TRPM1: variants seen among roughly 807,000 people sequenced by gnomAD.
TRPM1 encodes transient receptor potential cation channel subfamily M member 1.
TRPM1 carries 113 observed loss-of-function variants against 149.4 expected under a neutral mutation model. The observed-to-expected ratio is 0.76, with a 90% CI of 0.65 to 0.88. The LOEUF is 0.88. Ranked by LOEUF, TRPM1 falls within the 40% of genes least tolerant of loss-of-function variation. TRPM1 has a pLI of 0.00. For missense variants in TRPM1, 1,976 were observed against 2,038.7 expected, an observed-to-expected ratio of 0.97 and a Z score of 0.59; for synonymous variants, 741 against 759.5, an observed-to-expected ratio of 0.98 and a Z score of 0.40.
At chr15:31,147,860 C>A (rs1168921487) in intron 1 of TRPM1, among the ~76,000 whole-genome samples, 2 of 152,266 alleles carry the variant, frequency 1.3e-5, no homozygotes, top group Admixed American at 6.5e-5. Context: ...GGGTCCAGGT[C>A]CCCAGGGAGG....
chr15:31,096,624 A>G (rs28613966), intron 1 of TRPM1, among the ~76,000 whole-genome samples: 38,948 of 152,168 alleles, frequency 0.26, 5,175 homozygotes, highest in South Asian at 0.32. Context: ...TGGGTTTCAG[A>G]GGCTAGGCAG....
At chr15:31,127,738 G>A (rs1437974598) in intron 1 of TRPM1, among the ~76,000 whole-genome samples, 1 of 152,180 alleles carries the variant, frequency 6.6e-6, no homozygotes, top group Non-Finnish European at 1.5e-5. Context: ...GGAAGGGGTG[G>A]AGGGTGAGCA....
intron 2 of TRPM1, among the ~76,000 whole-genome samples, chr15:31,080,312 A>T (rs906113581): frequency 6.6e-6 from 1 of 152,206 alleles, no homozygotes; most frequent in Non-Finnish European, 1.5e-5. Context: ...AGAAATTAGT[A>T]ACTTGACAGT....
chr15:31,057,994 G>A (rs143944675), intron 11 of TRPM1, among the ~76,000 whole-genome samples: 2,051 of 152,236 alleles, frequency 0.013, 24 homozygotes, highest in African/African-American at 0.028. Flanking sequence ...GGTCTCCCCA[G>A]CCATTTGGAG....
chr15:31,005,783 T>A (rs1352130968), intron 27 of TRPM1, among the ~76,000 whole-genome samples: 7 of 152,194 alleles, frequency 4.6e-5, no homozygotes, highest in Admixed American at 2.6e-4. Flanking sequence ...TAAATGAGGA[T>A]CTATCTCCTT....
chr15:31,051,943 G>A (rs114278505), intron 11 of TRPM1, among the ~76,000 whole-genome samples: 1 of 152,186 alleles, frequency 6.6e-6, no homozygotes. Flanking sequence ...GGGGAGCATT[G>A]TGACATCTCA....
rs1212303134 is a variant in TRPM1 at position 31,029,994 on chromosome 15, T to C, written c.3128-603A>G. Among the ~76,000 whole-genome samples, 3 of 152,188 alleles carry C rather than the reference T, an allele frequency of 2.0e-5. No individual in the cohort carries two copies. In the East Asian group the frequency reaches 5.8e-4, roughly 29 times the overall value. On this transcript the variant is annotated intron_variant, in intron 23 of 27. Coordinates refer to ENST00000256552, the MANE Select transcript of TRPM1 (RefSeq NM_001252024.2). ...TACCTAAACTAATATTCTTTTGAAA[T>C]CAAATTAGATTTTTATGTTCTGGCT...
chr15:31,014,148 T>C (rs1226204192), intron 27 of TRPM1, among the ~76,000 whole-genome samples: 6 of 152,320 alleles, frequency 3.9e-5, no homozygotes, highest in Non-Finnish European at 8.8e-5. Flanking sequence ...AAAGCTCTTA[T>C]GGACATCAGT....
At chr15:31,047,440 G>C (rs2033809002) in intron 14 of TRPM1, among the ~76,000 whole-genome samples, 189 bp from the exon 15 acceptor site, 1 of 152,230 alleles carries the variant, frequency 6.6e-6, no homozygotes, top group Non-Finnish European at 1.5e-5. Flanking sequence ...GTGGCAGAAA[G>C]GGCCAAGAAC....
intron 1 of TRPM1, among the ~76,000 whole-genome samples, chr15:31,087,231 ATTTTTTTTTTTTT>A (rs58872566): frequency 2.9e-4 from 17 of 59,444 alleles, no homozygotes; most frequent in African/African-American, 8.5e-4. Flanking sequence ...CTCAATAGGG[ATTTTTTTTTTTTT>A]TTTTTTTTTT....
chr15:31,094,881 C>G (rs1054724324), intron 1 of TRPM1, among the ~76,000 whole-genome samples: 1 of 152,066 alleles, frequency 6.6e-6, no homozygotes, highest in Non-Finnish European at 1.5e-5. Flanking sequence ...GGTATATACC[C>G]AAGAGAAATG....
At chr15:31,061,660 T>C in intron 9 of TRPM1, 146 bp from the exon 10 acceptor site, 1 of 714,026 alleles carries the variant, frequency 1.4e-6, no homozygotes, top group Non-Finnish European at 2.4e-6. Flanking sequence ...GTTGATTTCT[T>C]TTTTTTCTTT....
intron 1 of TRPM1, among the ~76,000 whole-genome samples, chr15:31,110,318 G>A (rs993467113): frequency 6.6e-5 from 10 of 152,108 alleles, no homozygotes; most frequent in Admixed American, 2.0e-4. Flanking sequence ...CTTTGGTGTC[G>A]TTGTAAAAGA....
intron 27 of TRPM1, among the ~76,000 whole-genome samples, chr15:31,012,977 TTTTTTTTTTTC>T (rs1354727340): frequency 2.1e-4 from 26 of 121,848 alleles, no homozygotes; most frequent in South Asian, 1.4e-3. Flanking sequence ...TTTCTTTTTC[TTTTTTTTTTTC>T]TTTTTTTTTT....
intron 1 of TRPM1, among the ~76,000 whole-genome samples, chr15:31,093,604 T>G (rs1013391318): frequency 6.6e-6 from 1 of 152,026 alleles, no homozygotes; most frequent in South Asian, 2.1e-4. Flanking sequence ...GGTTTTTTTT[T>G]TTGTTTTTTT....
At position 31,076,923 on chromosome 15, in the gene TRPM1, C is replaced by T. The variant is rs1250694218; in HGVS notation, c.65G>A (p.Ser22Asn). The change falls in exon 3 of 28, where the codon AGC becomes AAC. Residue 22 changes from serine to asparagine, a missense_variant. Physicochemically the swap from Ser to Asn is conservative, Grantham distance 46. Coordinates refer to ENST00000256552, the MANE Select transcript of TRPM1 (RefSeq NM_001252024.2). The stretch of plus-strand genomic sequence containing the variant: ...AATTTACCTGTTAGAGTCTTTCATG[C>T]TAGGAATTACAAAGATACATTCCCG... Reference protein sequence around the residue: ...CKRECIFVIPSMKDSNRCCCG... With the variant: ...CKRECIFVIPNMKDSNRCCCG... 6.2e-7 allele frequency: 1 copy of T among 1,610,902 alleles called. No homozygotes were observed. Among genetic ancestry groups the T allele is most frequent in the Non-Finnish European group, 8.5e-7 (1 of 1,177,136 alleles).
At chr15:31,060,844 C>T (rs1029591257) in intron 10 of TRPM1, among the ~76,000 whole-genome samples, 200 bp from the exon 11 acceptor site, 1 of 152,210 alleles carries the variant, frequency 6.6e-6, no homozygotes, top group Non-Finnish European at 1.5e-5. Flanking sequence ...GCAGCCTCTT[C>T]CCATGCCAGC....
chr15:31,052,900 A>G, intron 11 of TRPM1, among the ~76,000 whole-genome samples: 1 of 152,246 alleles, frequency 6.6e-6, no homozygotes, highest in East Asian at 1.9e-4. Context: ...AAACGGAAAA[A>G]TTATTAATAA....
intron 27 of TRPM1, among the ~76,000 whole-genome samples, chr15:31,025,848 T>C (rs1374962107): frequency 6.6e-6 from 1 of 152,228 alleles, no homozygotes; most frequent in East Asian, 1.9e-4. Context: ...GTAGCTTCCA[T>C]TAACCTTGCG....
Sources: allele counts gnomAD v4.1 joint callset (sites outside exome capture counted in the v4.1 genomes callset), GRCh38; gene constraint gnomAD v4.1.1; transcripts MANE v1.5; gene names NCBI Gene and HGNC (gene_info 2026-07-23, HGNC 2026-07-21).